Variants in CWC22 observed in about 807,000 individuals in gnomAD.
CWC22 encodes pre-mRNA-splicing factor CWC22 homolog.
Under a neutral mutation model 117.2 loss-of-function variants are expected in CWC22, and 53 were observed. That is an observed-to-expected ratio of 0.45 (90% CI 0.36 to 0.57). The LOEUF (loss-of-function observed/expected upper bound fraction) is 0.57. Ranked by LOEUF, CWC22 falls within the 20% of genes least tolerant of loss-of-function variation. The pLI, the probability that CWC22 is intolerant of heterozygous loss-of-function variation, is 0.00. For synonymous variants in CWC22, 360 were observed against 355.6 expected (o/e 1.01, Z -0.14); for missense variants, 980 against 1,068.8 (o/e 0.92, Z 1.16).
chr2:179,950,861 A>C lies in CWC22; in HGVS notation c.1883T>G (p.Ile628Ser). The C allele has an allele frequency of 1.3e-6, 2 of 1,599,282 alleles. No individual in the cohort carries two copies. The highest frequency in any genetic ancestry group is 8.5e-7 in the Non-Finnish European group (1 of 1,171,592). ...AAGACCTATAGAAGTAAAGAAGTTG[A>C]TGGCAAACCGAGTGTTTCTTGGATT... ...RDNPRNTRFA[I>S]NFFTSIGLGG... The change falls in exon 18 of 20, where the codon ATC (isoleucine) becomes AGC (serine). Residue 628 changes from isoleucine to serine, a missense_variant. By Grantham distance (142) the Ile-to-Ser change is moderately radical (BLOSUM62 -2). Coordinates refer to ENST00000410053, the MANE Select transcript of CWC22 (RefSeq NM_020943.3).
At chr2:179,983,485 TACG>T (rs1687336479) in intron 4 of CWC22, among the ~76,000 whole-genome samples, 2 of 152,280 alleles carry the variant, frequency 1.3e-5, no homozygotes, top group South Asian at 2.1e-4. Context: ...GGTGTATAAG[TACG>T]ACATTTCCTT....
At chr2:179,964,043 C>T (rs1686827256) in intron 13 of CWC22, among the ~76,000 whole-genome samples, 1 of 152,176 alleles carries the variant, frequency 6.6e-6, no homozygotes. Context: ...CTACTTCTTA[C>T]TTAGCATTAC....
Position 179,950,935 on chromosome 2 carries a change from GA to G in CWC22, c.1818-10del, listed in dbSNP as rs757457822. 1.7e-4 allele frequency: 261 copies of G among 1,495,084 alleles called. No individual in the cohort carries two copies. In the African/African-American group the frequency reaches 3.2e-3, roughly 18 times the overall value. The allele number at this position is 1,495,084 out of a possible 1,614,324, so 92.6% of individuals were successfully genotyped here. A position where few individuals can be genotyped will look rare whatever the true frequency, so the allele number is the denominator to read the frequency against. The stretch of plus-strand genomic sequence containing the variant: ...AGAATGGCTGCAGAGTTCTAAAAAG[GA>G]AAAAAATAAACAAAAGAGAACACAT... On this transcript the variant is annotated splice_polypyrimidine_tract_variant and intron_variant, in intron 17 of 19. Transcript: ENST00000410053.
At position 179,959,014 on chromosome 2, in the gene CWC22, T is replaced by A. The variant is rs1686677869; in HGVS notation, c.1458+8A>T. 4.6e-6 allele frequency: 7 copies of A among 1,513,124 alleles called. No homozygotes were observed. Among genetic ancestry groups the A allele is most frequent in the Non-Finnish European group, 5.4e-6 (6 of 1,107,926 alleles). The allele number at this position is 1,513,124 out of a possible 1,614,324, so 93.7% of individuals were successfully genotyped here. A position where few individuals can be genotyped will look rare whatever the true frequency, so the allele number is the denominator to read the frequency against. On this transcript the variant is annotated splice_region_variant and intron_variant, in intron 14 of 19. Coordinates refer to ENST00000410053, the MANE Select transcript of CWC22 (RefSeq NM_020943.3). The stretch of plus-strand genomic sequence containing the variant: ...ATACATTTCCTAATAGAAAAAGTAT[T>A]AACATACTGTTTGGCTTTCAGGAAA...
At chr2:180,001,271 T>C (rs1687841345) in intron 1 of CWC22, among the ~76,000 whole-genome samples, 2 of 152,104 alleles carry the variant, frequency 1.3e-5, no homozygotes, top group Admixed American at 1.3e-4. Flanking sequence ...TACTGTCTCA[T>C]CCCTACACAG....
chr2:179,966,863 T>C (rs1686904037), intron 11 of CWC22, among the ~76,000 whole-genome samples: 1 of 152,212 alleles, frequency 6.6e-6, no homozygotes, highest in Non-Finnish European at 1.5e-5. Context: ...AATTCTAATT[T>C]CTTTATATTT....
intron 11 of CWC22, among the ~76,000 whole-genome samples, chr2:179,968,584 T>G (rs1394239018): frequency 6.6e-6 from 1 of 151,952 alleles, no homozygotes; most frequent in Non-Finnish European, 1.5e-5. Flanking sequence ...CTTTTTTTTT[T>G]TGAGACGGAG....
chr2:179,988,791 A>C, intron 2 of CWC22, 147 bp from the exon 3 acceptor site: 11 of 485,716 alleles, frequency 2.3e-5, no homozygotes, highest in Non-Finnish European at 2.9e-5. Context: ...TGTAACCTAA[A>C]CAGTCTATAA....
intron 11 of CWC22, among the ~76,000 whole-genome samples, chr2:179,969,975 G>C (rs1459343862): frequency 6.6e-6 from 1 of 151,994 alleles, no homozygotes; most frequent in Non-Finnish European, 1.5e-5. Context: ...TAATGTCAAA[G>C]ATAAATTACA....
chr2:179,975,032 C>A (rs775262960), intron 6 of CWC22, among the ~76,000 whole-genome samples: 2 of 152,102 alleles, frequency 1.3e-5, no homozygotes, highest in African/African-American at 4.8e-5. Context: ...AGGATTACAG[C>A]GACCGTGCCT....
chr2:179,984,761 C>T (rs1307095725), intron 4 of CWC22, among the ~76,000 whole-genome samples: 1 of 151,982 alleles, frequency 6.6e-6, no homozygotes, highest in Non-Finnish European at 1.5e-5. Context: ...ATGGTTGTTA[C>T]AGAGACAAAT....
chr2:179,965,838 G>C (rs758243325), intron 12 of CWC22, 40 bp downstream of exon 12: 11 of 1,302,884 alleles, frequency 8.4e-6, no homozygotes, highest in African/African-American at 3.0e-5. Context: ...ATTAATTTTA[G>C]AGTATCTTAT....
Position 179,993,443 on chromosome 2 carries a change from T to G in CWC22, c.-102A>C. 1.3e-6 allele frequency: 1 copy of G among 776,198 alleles called. No homozygotes were observed. The allele number at this position is 776,198 out of a possible 1,614,324, so 48.1% of individuals were successfully genotyped here. On this transcript the variant is annotated 5_prime_UTR_variant, in exon 2 of 20. Transcript: ENST00000410053. ...TCCTTGACAGTTTACTTTTTCTGTC[T>G]GCAAACATCACCTATAAAATATACC... is the stretch of plus-strand genomic sequence containing the variant.
intron 6 of CWC22, among the ~76,000 whole-genome samples, chr2:179,977,446 C>T (rs1265027655): frequency 6.6e-6 from 1 of 152,080 alleles, no homozygotes; most frequent in East Asian, 1.9e-4. Context: ...GAACATTATG[C>T]TAAGTGAAAT....
chr2:179,954,465 T>G (rs1686532577), intron 15 of CWC22, 108 bp from the exon 16 acceptor site: 5 of 671,102 alleles, frequency 7.5e-6, no homozygotes, highest in South Asian at 2.4e-5. Context: ...GCTTTATATT[T>G]TCAAAGAGCA....
intron 1 of CWC22, among the ~76,000 whole-genome samples, chr2:180,005,564 A>G (rs1687950874): frequency 6.6e-6 from 1 of 152,288 alleles, no homozygotes; most frequent in East Asian, 1.9e-4. Context: ...CGACAGAGTA[A>G]GACTCCGTCT....
intron 12 of CWC22, 56 bp from the exon 13 acceptor site, chr2:179,964,684 A>C: frequency 1.1e-6 from 1 of 873,092 alleles, no homozygotes; most frequent in Admixed American, 2.3e-5. Context: ...ATGAAGTTAA[A>C]ATGTAACTCT....
Position 179,952,500 on chromosome 2 carries a change from A to G in CWC22, c.1788T>C (p.Leu596=). Residue 596 remains leucine, a synonymous_variant, in exon 17 of 20, where the codon CTT becomes CTC. Coordinates refer to ENST00000410053, the MANE Select transcript of CWC22 (RefSeq NM_020943.3). ...FFQELCEYMG[L]PKLNARLKDE... is the part of the protein sequence containing the mutation. Reference sequence around the variant, plus strand: ...CCTTTAATCTTGCATTAAGTTTAGGAAGACCCATGTATTCACACAGTTCCT... The same window carrying G: ...CCTTTAATCTTGCATTAAGTTTAGGGAGACCCATGTATTCACACAGTTCCT... 1 of 1,570,254 alleles carries G rather than the reference A, an allele frequency of 6.4e-7. No homozygotes were observed. The highest frequency in any genetic ancestry group is 1.8e-5 in the Admixed American group (1 of 54,272).
At chr2:179,983,580 G>T (rs1470096151) in intron 4 of CWC22, among the ~76,000 whole-genome samples, 1 of 152,072 alleles carries the variant, frequency 6.6e-6, no homozygotes, top group Non-Finnish European at 1.5e-5. Flanking sequence ...ATATACACAT[G>T]CATGTGTCTT....
Sources: allele counts gnomAD v4.1 joint callset (sites outside exome capture counted in the v4.1 genomes callset), GRCh38; gene constraint gnomAD v4.1.1; transcripts MANE v1.5; gene names NCBI Gene and HGNC (gene_info 2026-07-23, HGNC 2026-07-21).